NOL4L: variants seen among roughly 807,000 people sequenced by gnomAD.
NOL4L encodes nucleolar protein 4-like.
Under a neutral mutation model 64.5 loss-of-function variants are expected in NOL4L, and 7 were observed. That is an observed-to-expected ratio of 0.11 (90% CI 0.06 to 0.20). The LOEUF (loss-of-function observed/expected upper bound fraction) is 0.20. Among genes scored for constraint, NOL4L ranks in the 10% least tolerant of loss-of-function variants. The pLI is 1.00. For missense variants in NOL4L, 680 were observed against 967.1 expected (o/e 0.70, Z 3.94); for synonymous variants, 413 against 401.0 (o/e 1.03, Z -0.36).
chr20:32,483,304 G>A (rs1332943149), intron 4 of NOL4L: 16 of 942,976 alleles, frequency 1.7e-5, no homozygotes, highest in Non-Finnish European at 2.0e-5. Flanking sequence ...GAGAAGGGGG[G>A]CGGCGGCCCG....
rs1002211184 is a variant in NOL4L at position 32,457,022 on chromosome 20, C to G, written c.842-627G>C. Among the ~76,000 whole-genome samples the G allele has an allele frequency of 6.6e-5, 10 of 152,228 alleles. 2 individuals are homozygous for G. Among genetic ancestry groups the G allele is most frequent in the African/African-American group, 2.4e-5 (1 of 41,478 alleles). On this transcript the variant is annotated intron_variant, in intron 5 of 10. Coordinates refer to ENST00000621426, the MANE Select transcript of NOL4L (RefSeq NM_001256798.2). ...CTGCGCTCCGTGCAGGCCCCACGGCCTGGGACGTGCAAAGCCGGGGCTGCA... is the reference window on the plus strand; with the variant it reads ...CTGCGCTCCGTGCAGGCCCCACGGCGTGGGACGTGCAAAGCCGGGGCTGCA...
chr20:32,556,675 C>T (rs1007998739), intron 1 of NOL4L, among the ~76,000 whole-genome samples: 1 of 152,206 alleles, frequency 6.6e-6, no homozygotes, highest in African/African-American at 2.4e-5. Flanking sequence ...CATCTGGTGA[C>T]ACAAGTGTCC....
At chr20:32,479,056 G>A (rs144013294) in intron 4 of NOL4L, among the ~76,000 whole-genome samples, 4 of 152,212 alleles carry the variant, frequency 2.6e-5, no homozygotes, top group East Asian at 1.9e-4. Context: ...CCTGTCTGGC[G>A]CAGCACAGCC....
intron 3 of NOL4L, among the ~76,000 whole-genome samples, chr20:32,515,125 C>G (rs1369074771): frequency 6.6e-6 from 1 of 152,068 alleles, no homozygotes; most frequent in Admixed American, 6.5e-5. Context: ...AGGACAGCAC[C>G]CTTGGGAGGC....
intron 5 of NOL4L, among the ~76,000 whole-genome samples, chr20:32,466,389 C>G (rs1320241980): frequency 2.6e-5 from 4 of 152,208 alleles, no homozygotes; most frequent in African/African-American, 4.8e-5. Context: ...AGGGATCTCT[C>G]GGTGCTGTCT....
chr20:32,536,924 G>C (rs983162816), intron 1 of NOL4L, among the ~76,000 whole-genome samples: 1 of 149,262 alleles, frequency 6.7e-6, no homozygotes, highest in Non-Finnish European at 1.5e-5. Flanking sequence ...CAGCCTCTAG[G>C]CGCGCGCCCG....
chr20:32,452,304 C>A lies in NOL4L; in HGVS notation c.1754G>T (p.Arg585Leu). ...GTTGCTGCTCAAGGCCCCGTACCCG[C>A]GGTAACTGTAGTTGAGGCCGCCGTT... The part of the protein sequence containing the change: ...YANGGLNYSY[R>L]GYGALSSNLQ... Residue 585 changes from arginine to leucine, a missense_variant, in exon 10 of 11, where the codon CGC becomes CTC. By Grantham distance (102) the Arg-to-Leu change is moderately radical. This residue lies in a region of NOL4L where 175 missense variants were observed against 227.0 expected (regional missense o/e 0.77). Coordinates refer to ENST00000621426, the MANE Select transcript of NOL4L (RefSeq NM_001256798.2). The A allele has an allele frequency of 6.2e-7, 1 of 1,608,090 alleles. No individual in the cohort carries two copies. The highest frequency in any genetic ancestry group is 8.5e-7 in the Non-Finnish European group (1 of 1,176,864).
At chr20:32,531,367 CT>C (rs531522420) in intron 1 of NOL4L, among the ~76,000 whole-genome samples, 20,143 of 146,812 alleles carry the variant, frequency 0.14, 1,732 homozygotes, top group Non-Finnish European at 0.2. Context: ...ATTTCTATAC[CT>C]TTTTTTTTTT....
chr20:32,496,519 T>C (rs1294592421), intron 4 of NOL4L, among the ~76,000 whole-genome samples: 1 of 151,938 alleles, frequency 6.6e-6, no homozygotes, highest in Non-Finnish European at 1.5e-5. Flanking sequence ...ACCTCGGAAA[T>C]GATTTTTGAG....
At chr20:32,474,939 G>C in intron 4 of NOL4L, 197 bp from the exon 5 acceptor site, 1 of 985,432 alleles carries the variant, frequency 1.0e-6, no homozygotes, top group Non-Finnish European at 1.2e-6. Flanking sequence ...GGTTCCTGTC[G>C]GAAGCCAAGG....
intron 3 of NOL4L, 131 bp from the exon 4 acceptor site, chr20:32,511,587 C>G (rs2017408396): frequency 1.7e-6 from 1 of 577,198 alleles, no homozygotes; most frequent in Non-Finnish European, 3.1e-6. Context: ...AGGTCGCAGA[C>G]TCTGTGGCTC....
At chr20:32,468,917 AAAAG>A (rs571287123) in intron 5 of NOL4L, among the ~76,000 whole-genome samples, 114 of 109,790 alleles carry the variant, frequency 1.0e-3, no homozygotes, top group South Asian at 6.9e-3. Flanking sequence ...AAAAAAAAAA[AAAAG>A]AAAGAAAGAA....
chr20:32,528,464 G>T (rs916046239), intron 1 of NOL4L, among the ~76,000 whole-genome samples: 1 of 152,046 alleles, frequency 6.6e-6, no homozygotes. Flanking sequence ...AACGGCACCC[G>T]GGCCCTTTGT....
chr20:32,453,093 C>G lies in NOL4L; in HGVS notation c.1498-87G>C, dbSNP rs540423385. The G allele has an allele frequency of 7.6e-6, 12 of 1,573,108 alleles. No homozygotes were observed. In the African/African-American group the frequency reaches 9.4e-5, roughly 12 times the overall value. On this transcript the variant is annotated intron_variant, in intron 8 of 10. Transcript: ENST00000621426. This position sits in a 1 kb window ranked among gnomAD's most constrained non-coding sequence, Gnocchi z 5.6. ...GACCCTGCCCCAGGGGTGGGTGGCA[C>G]AGGGTGGGGTTTGGGCTCCAGCGCC...
At chr20:32,458,397 G>A (rs1023970685) in intron 5 of NOL4L, among the ~76,000 whole-genome samples, 7 of 152,194 alleles carry the variant, frequency 4.6e-5, no homozygotes, top group Non-Finnish European at 7.4e-5. Flanking sequence ...AGGCACTCAC[G>A]CCTCCAACCC....
At chr20:32,485,028 T>A (rs1307981494) in intron 4 of NOL4L, among the ~76,000 whole-genome samples, 1 of 115,388 alleles carries the variant, frequency 8.7e-6, no homozygotes, top group Non-Finnish European at 1.6e-5. Context: ...GATGGGGAAC[T>A]GCCCTCGTGG....
Position 32,523,512 on chromosome 20 carries a change from C to T in NOL4L, c.478-2590G>A, listed in dbSNP as rs558005761. On this transcript the variant is annotated intron_variant, in intron 2 of 10. Coordinates refer to ENST00000621426, the MANE Select transcript of NOL4L (RefSeq NM_001256798.2). Reference sequence around the variant, plus strand: ...GCACGAATGCCCAAGGCCACAGGACCACAGAATGAGTCGAAACCAGGAGGA... The same window carrying T: ...GCACGAATGCCCAAGGCCACAGGACTACAGAATGAGTCGAAACCAGGAGGA... 2.8e-4 allele frequency among the ~76,000 whole-genome samples: 42 copies of T among 152,308 alleles called. 1 individual carries two copies. The South Asian group carries it at 8.7e-3, about 32-fold the overall frequency.
At chr20:32,497,976 A>G (rs1347151333) in intron 4 of NOL4L, among the ~76,000 whole-genome samples, 1 of 152,244 alleles carries the variant, frequency 6.6e-6, no homozygotes, top group Non-Finnish European at 1.5e-5. Context: ...TGCTTGCACC[A>G]GTAAATTACG....
intron 5 of NOL4L, among the ~76,000 whole-genome samples, chr20:32,473,377 C>G (rs1254275964): frequency 6.6e-6 from 1 of 152,354 alleles, no homozygotes; most frequent in East Asian, 1.9e-4. Flanking sequence ...CCGGTCCCCA[C>G]CCCCGTGGGA....
Sources: allele counts gnomAD v4.1 joint callset (sites outside exome capture counted in the v4.1 genomes callset), GRCh38; gene constraint gnomAD v4.1.1; regional missense constraint gnomAD v4.1.1; non-coding constraint Gnocchi (gnomAD v3.1); transcripts MANE v1.5; gene names NCBI Gene and HGNC (gene_info 2026-07-23, HGNC 2026-07-21).